The following CPXM2 variants were observed in gnomAD, a reference collection of about 807,000 sequenced individuals.
CPXM2 encodes carboxypeptidase X, M14 family member 2, also known as inactive carboxypeptidase-like protein X2.
CPXM2 carries 66 observed loss-of-function variants against 86.1 expected under a neutral mutation model. The ratio of observed to expected loss-of-function variants is 0.77; its 90% CI spans 0.63 to 0.94. The LOEUF (loss-of-function observed/expected upper bound fraction) is 0.94, where lower values mean the gene tolerates loss of function less well. Among genes scored for constraint, CPXM2 ranks in the 40% least tolerant of loss-of-function variants. CPXM2 has a pLI of 0.00. For synonymous variants in CPXM2, 388 were observed against 400.2 expected (o/e 0.97, Z 0.36); for missense variants, 948 against 1,026.3 (o/e 0.92, Z 1.04).
intron 6 of CPXM2, among the ~76,000 whole-genome samples, chr10:123,784,262 C>A (rs1243584983): frequency 1.3e-5 from 2 of 152,170 alleles, no homozygotes; most frequent in African/African-American, 4.8e-5. Flanking sequence ...AGGCTGACAT[C>A]GTACCACTGG....
Position 123,768,721 on chromosome 10 carries a change from A to T in CPXM2, c.1104T>A (p.Gly368=). ...CCGCGATGTAGTGGAACTCGGGCTCACCTTTACTCAAAGACAGAGAGAAGC... is the reference window on the plus strand; with the variant it reads ...CCGCGATGTAGTGGAACTCGGGCTCTCCTTTACTCAAAGACAGAGAGAAGC... ...ISDHPGEHEV[G]EPEFHYIAGA... is the part of the protein sequence containing the mutation. Residue 368 remains glycine, a splice_region_variant and synonymous_variant, in exon 9 of 14, where the codon GGT becomes GGA. Coordinates refer to ENST00000241305, the MANE Select transcript of CPXM2 (RefSeq NM_198148.3). 6.2e-7 allele frequency: 1 copy of T among 1,607,286 alleles called. No homozygotes were observed. Among genetic ancestry groups the T allele is most frequent in the Non-Finnish European group, 8.5e-7 (1 of 1,179,698 alleles).
At chr10:123,911,404 C>T (rs1945487013) in intron 2 of CPXM2, among the ~76,000 whole-genome samples, 1 of 151,998 alleles carries the variant, frequency 6.6e-6, no homozygotes, top group African/African-American at 2.4e-5. Context: ...CAAGGGGGCT[C>T]CTATCCCAGC....
At chr10:123,854,665 GTGTGTCTACTCCGCAGTCATAACTGCAC>G (rs1236540811) in intron 3 of CPXM2, among the ~76,000 whole-genome samples, 1 of 150,684 alleles carries the variant, frequency 6.6e-6, no homozygotes, top group African/African-American at 2.4e-5. Context: ...CCCGGAGCCT[GTGTGTCTACTCCGCAGTCATAACTGCAC>G]TGTGCCTTCT....
intron 4 of CPXM2, among the ~76,000 whole-genome samples, chr10:123,808,257 T>G: frequency 6.6e-6 from 1 of 152,148 alleles, no homozygotes; most frequent in East Asian, 1.9e-4. Context: ...TTATAGAGCC[T>G]TCTACTAGTG....
At chr10:123,779,010 T>C (rs1188131467) in intron 7 of CPXM2, among the ~76,000 whole-genome samples, 2 of 152,236 alleles carry the variant, frequency 1.3e-5, no homozygotes, top group African/African-American at 4.8e-5. Flanking sequence ...GTTCATTCCA[T>C]GGGATTGGAG....
intron 4 of CPXM2, among the ~76,000 whole-genome samples, chr10:123,824,231 G>A (rs904190609): frequency 6.6e-6 from 1 of 152,290 alleles, no homozygotes; most frequent in Admixed American, 6.5e-5. Context: ...TGCCTGGCTT[G>A]TGTTCTAAAT....
chr10:123,934,162 G>A (rs1349117296), intron 2 of CPXM2, among the ~76,000 whole-genome samples: 3 of 152,110 alleles, frequency 2.0e-5, no homozygotes, highest in Non-Finnish European at 2.9e-5. Flanking sequence ...TGCCCAAGAG[G>A]GTCTGCTGTA....
At position 123,754,908 on chromosome 10, in the gene CPXM2, C is replaced by T. The variant is rs570905349; in HGVS notation, c.1918-146G>A. ...ACGTCTTGCTCAGAAGGCTTGGAAC[C>T]GAAAAGCAGTTCATTGCTCACTGCA... On this transcript the variant is annotated intron_variant, in intron 12 of 13. Coordinates refer to ENST00000241305, the MANE Select transcript of CPXM2 (RefSeq NM_198148.3). This position sits in a 1 kb window ranked among gnomAD's most constrained non-coding sequence, Gnocchi z 4.0. 7.4e-4 allele frequency: 473 copies of T among 635,686 alleles called. No individual in the cohort carries two copies. The highest frequency in any genetic ancestry group is 1.2e-3 in the Non-Finnish European group (429 of 350,828). 39.4% of individuals were successfully genotyped at this position (635,686 alleles called of 1,614,324 possible).
intron 2 of CPXM2, among the ~76,000 whole-genome samples, chr10:123,918,482 G>A (rs988955847): frequency 2.0e-5 from 3 of 152,104 alleles, no homozygotes; most frequent in Non-Finnish European, 4.4e-5. Context: ...ATCCAGCAGA[G>A]TGTCCTGGAG....
chr10:123,932,004 T>A (rs1472134502), intron 2 of CPXM2, among the ~76,000 whole-genome samples: 1 of 152,184 alleles, frequency 6.6e-6, no homozygotes, highest in African/African-American at 2.4e-5. Flanking sequence ...ATACAGAGTA[T>A]AAGTCTGAGT....
chr10:123,759,007 T>C (rs944566901), intron 11 of CPXM2, among the ~76,000 whole-genome samples: 30 of 152,186 alleles, frequency 2.0e-4, no homozygotes, highest in African/African-American at 7.2e-4. Flanking sequence ...AGCCACTCTC[T>C]ACCCAATTCC....
intron 2 of CPXM2, among the ~76,000 whole-genome samples, chr10:123,908,301 A>G (rs1945460802): frequency 6.6e-6 from 1 of 152,168 alleles, no homozygotes; most frequent in Admixed American, 6.5e-5. Context: ...CTAGGAAGTG[A>G]GAACACTTAG....
intron 2 of CPXM2, among the ~76,000 whole-genome samples, chr10:123,904,293 C>T (rs546887476): frequency 6.6e-6 from 1 of 152,088 alleles, no homozygotes; most frequent in Admixed American, 6.5e-5. Context: ...CACTTCTTTC[C>T]GATTGTGCTG....
At chr10:123,893,699 C>T (rs1945310274), upstream of CPXM2, among the ~76,000 whole-genome samples, 1 of 149,380 alleles carries the variant, frequency 6.7e-6, no homozygotes, top group African/African-American at 2.4e-5. Context: ...ATCCCCAGGG[C>T]TCACTCCTGG....
chr10:123,919,321 C>A (rs1457296056), intron 2 of CPXM2, among the ~76,000 whole-genome samples: 1 of 152,344 alleles, frequency 6.6e-6, no homozygotes, highest in East Asian at 1.9e-4. Context: ...CAACATTTAT[C>A]AGAAGATTTT....
At chr10:123,848,642 A>G (rs1317992659) in intron 3 of CPXM2, among the ~76,000 whole-genome samples, 1 of 152,256 alleles carries the variant, frequency 6.6e-6, no homozygotes, top group Non-Finnish European at 1.5e-5. Flanking sequence ...GAAATGCTTT[A>G]GCCATTAACA....
intron 3 of CPXM2, among the ~76,000 whole-genome samples, chr10:123,857,627 C>T (rs1465467437): frequency 1.7e-5 from 2 of 118,316 alleles, no homozygotes; most frequent in African/African-American, 5.6e-5. Context: ...TGGAAGGCGG[C>T]GTGGAGATGG....
chr10:123,911,621 G>A (rs183371174), intron 2 of CPXM2, among the ~76,000 whole-genome samples: 1 of 152,134 alleles, frequency 6.6e-6, no homozygotes, highest in Admixed American at 6.5e-5. Context: ...GAGAGAAGCT[G>A]AGAGACTTCA....
chr10:123,798,838 C>A lies in CPXM2; in HGVS notation c.738+277G>T, dbSNP rs555842622. Among the ~76,000 whole-genome samples, 3 of 152,364 alleles carry A rather than the reference C, an allele frequency of 2.0e-5. No individual in the cohort carries two copies. In the South Asian group the frequency reaches 6.2e-4, roughly 32 times the overall value. Reference sequence around the variant, plus strand: ...GCCCTAGCATGCCCCATGCATGCAACTTCCAGGGCTAACTTGCAAATTACA... The same window carrying A: ...GCCCTAGCATGCCCCATGCATGCAAATTCCAGGGCTAACTTGCAAATTACA... On this transcript the variant is annotated intron_variant, in intron 5 of 13. Transcript: ENST00000241305.
Sources: gnomAD v4.1 joint callset for allele counts (sites outside exome capture counted in the v4.1 genomes callset) on GRCh38, gnomAD v4.1.1 for gene constraint, Gnocchi (gnomAD v3.1) non-coding constraint, MANE v1.5 for transcripts, NCBI Gene and HGNC (gene_info 2026-07-23, HGNC 2026-07-21) for gene names.